The following ZNF700 variants were observed in gnomAD, a reference collection of about 807,000 sequenced individuals.
The protein encoded by ZNF700 is zinc finger protein 700.
In ZNF700, 38 loss-of-function variants were observed where a neutral mutation model predicts 65.3. The ratio of observed to expected loss-of-function variants is 0.58; its 90% CI spans 0.45 to 0.76. ZNF700 has a LOEUF of 0.76. Ranked by LOEUF, ZNF700 falls within the 30% of genes least tolerant of loss-of-function variation. The probability of loss-of-function intolerance (pLI) is 0.00; values close to 1 mark genes in which losing one functional copy is unlikely to be tolerated. For synonymous variants in ZNF700, 285 were observed against 290.4 expected (o/e 0.98, Z 0.19); for missense variants, 857 against 888.4 (o/e 0.96, Z 0.45).
At chr19:11,945,883 T>G (rs540470505) in intron 1 of ZNF700, among the ~76,000 whole-genome samples, 1 of 152,114 alleles carries the variant, frequency 6.6e-6, no homozygotes, top group Non-Finnish European at 1.5e-5. Context: ...GATTACTTCA[T>G]GTACCCCTAT....
intron 3 of ZNF700, 151 bp downstream of exon 3, chr19:11,947,725 A>G: frequency 1.2e-6 from 1 of 801,326 alleles, no homozygotes; most frequent in Non-Finnish European, 2.0e-6. Context: ...TTTAAACGTG[A>G]CTGAGGCTGA....
At chr19:11,928,700 C>T (rs1175212152) in intron 1 of ZNF700, among the ~76,000 whole-genome samples, 2 of 141,000 alleles carry the variant, frequency 1.4e-5, no homozygotes, top group African/African-American at 6.0e-5. Flanking sequence ...CCACTGCATT[C>T]CAGCCTGGGC....
rs552646495 is a variant in ZNF700, at chr19:11,938,026, A to G, written c.64-9155A>G. Among the ~76,000 whole-genome samples the G allele has an allele frequency of 7.9e-5, 12 of 152,218 alleles. No homozygotes were observed. In the East Asian group the frequency reaches 2.1e-3, roughly 27 times the overall value. On this transcript the variant is annotated intron_variant, in intron 1 of 3. Transcript: ENST00000254321. ...TGGAACACTACTCATAAATGGGCTA[A>G]GGCTTGTCAGATACCTTTTCTGCCT...
chr19:11,940,109 T>G (rs1972857446), intron 1 of ZNF700: 1 of 152,230 alleles, frequency 6.6e-6, no homozygotes, highest in Non-Finnish European at 1.5e-5. Flanking sequence ...TTTTGTATTT[T>G]TAGTAGAGAC....
At chr19:11,931,724 T>G (rs1164574683) in intron 1 of ZNF700, among the ~76,000 whole-genome samples, 10 of 148,110 alleles carry the variant, frequency 6.8e-5, no homozygotes, top group Non-Finnish European at 7.4e-5. Context: ...ATTTTTCCAT[T>G]TATTGCATTT....
intron 1 of ZNF700, chr19:11,946,646 GC>G (rs2145298707): frequency 6.6e-6 from 1 of 152,366 alleles, no homozygotes; most frequent in East Asian, 1.9e-4. Context: ...CCTTCTGATG[GC>G]CAACCCACCT....
In ZNF700 at chr19:11,933,395, CA is replaced by C. The variant is rs908034221; in HGVS notation, c.63+8123del. Among the ~76,000 whole-genome samples, 40 of 148,332 alleles carry C rather than the reference CA, an allele frequency of 2.7e-4. No homozygotes were observed. The South Asian group carries it at 2.7e-3, about 10-fold the overall frequency. On this transcript the variant is annotated intron_variant, in intron 1 of 3. Transcript: ENST00000254321. ...ATTATTACCTAAAGTCCATCTTTTA[CA>C]TGAAACTTCACTCTTTTTGGGCTGT...
At position 11,947,557 on chromosome 19, in the gene ZNF700, C is replaced by G; in HGVS notation, c.234C>G (p.Asn78Lys). Residue 78 changes from asparagine to lysine, a missense_variant, in exon 3 of 4, where the codon AAC becomes AAG. This residue lies in a region of ZNF700 where 603 missense variants were observed against 619.9 expected (regional missense o/e 0.97). Coordinates refer to ENST00000254321, the MANE Select transcript of ZNF700 (RefSeq NM_144566.3). ...SDQNIEYEYQ[N>K]PRRSFRSLIE... Reference sequence around the variant, plus strand: ...AGAACATTGAATATGAGTACCAAAACCCCAGAAGAAGCTTCAGGTAATTTG... The same window carrying G: ...AGAACATTGAATATGAGTACCAAAAGCCCAGAAGAAGCTTCAGGTAATTTG... The G allele has an allele frequency of 6.2e-7, 1 of 1,613,428 alleles. No homozygotes were observed. The highest frequency in any genetic ancestry group is 8.5e-7 in the Non-Finnish European group (1 of 1,179,864).
chr19:11,927,941 A>T (rs1009161175), intron 1 of ZNF700, among the ~76,000 whole-genome samples: 2 of 152,122 alleles, frequency 1.3e-5, no homozygotes, highest in African/African-American at 4.8e-5. Context: ...TATAGGCAAA[A>T]GGCAAATAAA....
rs1973035423 is a variant in ZNF700, at chr19:11,949,899, TG to T, written c.1878del (p.Ala628ProfsTer193). Reference sequence around the variant, plus strand: ...AGAAACCCTATGAGTGTAAGCAATGTGGGAAAGCCTTCAGATCTGCCTCAAA... The same window carrying T: ...AGAAACCCTATGAGTGTAAGCAATGTGGAAAGCCTTCAGATCTGCCTCAAA... ...GEKPYECKQC[G>X]KAFRSASNLQ... On this transcript the variant is annotated frameshift_variant, in exon 4 of 4. Transcript: ENST00000254321. LOFTEE classifies it high-confidence loss of function. The T allele has an allele frequency of 1.2e-6, 2 of 1,613,986 alleles. No homozygotes were observed. Among genetic ancestry groups the T allele is most frequent in the East Asian group, 4.5e-5 (2 of 44,868 alleles).
chr19:11,945,297 A>G (rs1323815348), intron 1 of ZNF700, among the ~76,000 whole-genome samples: 2 of 152,202 alleles, frequency 1.3e-5, no homozygotes, highest in Non-Finnish European at 2.9e-5. Context: ...GCAGAACCCT[A>G]CTGCTCCTAA....
Position 11,935,306 on chromosome 19 carries a change from G to A in ZNF700, c.63+10033G>A, listed in dbSNP as rs188467454. On this transcript the variant is annotated intron_variant, in intron 1 of 3. Coordinates refer to ENST00000254321, the MANE Select transcript of ZNF700 (RefSeq NM_144566.3). The stretch of plus-strand genomic sequence containing the variant: ...GTCTGGAGTGCAGTGGTGTAATCTC[G>A]GCTCACTGCAACATCTGCCTCCCAG... 3.9e-3 allele frequency among the ~76,000 whole-genome samples: 534 copies of A among 135,548 alleles called. 1 individual carries two copies. The highest frequency in any genetic ancestry group is 5.9e-3 in the Non-Finnish European group (381 of 64,904). 88.9% of individuals were successfully genotyped at this position (135,548 alleles called of 152,430 possible). A position where few individuals can be genotyped will look rare whatever the true frequency, so the allele number is the denominator to read the frequency against.
At chr19:11,942,238 CT>C (rs1326576733) in intron 1 of ZNF700, among the ~76,000 whole-genome samples, 4 of 151,058 alleles carry the variant, frequency 2.6e-5, no homozygotes, top group Non-Finnish European at 5.9e-5. Context: ...TTCCCCTGGA[CT>C]TCCCCTCCTG....
intron 1 of ZNF700, among the ~76,000 whole-genome samples, chr19:11,931,411 C>T: frequency 6.7e-6 from 1 of 148,274 alleles, no homozygotes; most frequent in South Asian, 2.1e-4. Flanking sequence ...CCTATGCTCT[C>T]ATCTAATCCT....
At chr19:11,936,009 C>T (rs980875646) in intron 1 of ZNF700, among the ~76,000 whole-genome samples, 1 of 152,172 alleles carries the variant, frequency 6.6e-6, no homozygotes, top group Non-Finnish European at 1.5e-5. Flanking sequence ...TTTCCAGTTT[C>T]ATCCATGTCC....
At chr19:11,941,632 G>C (rs772953087) in intron 1 of ZNF700, among the ~76,000 whole-genome samples, 3 of 152,184 alleles carry the variant, frequency 2.0e-5, no homozygotes, top group Non-Finnish European at 4.4e-5. Context: ...ACTCCAGCTG[G>C]CCCGCAAGCG....
Position 11,948,262 on chromosome 19 carries a change from C to G in ZNF700, c.252-14C>G. The G allele has an allele frequency of 1.9e-6, 3 of 1,608,154 alleles. No individual in the cohort carries two copies. The highest frequency in any genetic ancestry group is 1.7e-6 in the Non-Finnish European group (2 of 1,178,410). ...TAAACAAACCCTTCATGATGTGTTT[C>G]TCATGTTTTACAGGAGTCTCATAGA... On this transcript the variant is annotated splice_polypyrimidine_tract_variant and intron_variant, in intron 3 of 3. Transcript: ENST00000254321.
chr19:11,934,178 T>C (rs1972755536), intron 1 of ZNF700, among the ~76,000 whole-genome samples: 1 of 147,658 alleles, frequency 6.8e-6, no homozygotes, highest in Non-Finnish European at 1.5e-5. Context: ...AGACCTCATC[T>C]ATTTTTTTTT....
At chr19:11,934,611 C>T (rs2018306592) in intron 1 of ZNF700, among the ~76,000 whole-genome samples, 2 of 147,736 alleles carry the variant, frequency 1.4e-5, no homozygotes, top group South Asian at 4.2e-4. Flanking sequence ...ACTGCAGCCT[C>T]TGCCTCCCAG....
Sources: gnomAD v4.1 joint callset for allele counts (sites outside exome capture counted in the v4.1 genomes callset) on GRCh38, gnomAD v4.1.1 for gene constraint, gnomAD v4.1.1 regional missense constraint, MANE v1.5 for transcripts, NCBI Gene and HGNC (gene_info 2026-07-23, HGNC 2026-07-21) for gene names.